EYS: variants seen among roughly 807,000 people sequenced by gnomAD.
The protein encoded by EYS is protein eyes shut homolog.
A neutral mutation model predicts 282.1 loss-of-function variants in EYS; 250 were observed. The ratio of observed to expected loss-of-function variants is 0.89; its 90% CI spans 0.80 to 0.98. EYS has a LOEUF of 0.98. Among genes scored for constraint, EYS ranks in the 50% least tolerant of loss-of-function variants. EYS has a pLI of 0.00. For synonymous variants in EYS, 1,355 were observed against 1,282.9 expected, an observed-to-expected ratio of 1.06 and a Z score of -1.20; for missense variants, 4,016 against 3,709.0, an observed-to-expected ratio of 1.08 and a Z score of -2.15.
At chr6:65,640,405 C>A (rs1010311150) in intron 1 of EYS, among the ~76,000 whole-genome samples, 21 of 139,164 alleles carry the variant, frequency 1.5e-4, no homozygotes, top group Non-Finnish European at 7.9e-5. Flanking sequence ...AAAAATAATT[C>A]TTTCATTAAA....
Position 63,721,180 on chromosome 6 carries a change from TG to T in EYS, c.8850del (p.Asn2950LysfsTer25). On this transcript the variant is annotated frameshift_variant, in exon 43 of 43. Coordinates refer to ENST00000503581, the MANE Select transcript of EYS (RefSeq NM_001142800.2). LOFTEE classifies it high-confidence loss of function. ...TLGWVGRYCE[N>X]KTSFSTAKFM... ...AATTTTGCAGTTGAAAATGAAGTTT[TG>T]TTTTCACAATACCTTCCCACCCAAC... The T allele has an allele frequency of 1.3e-6, 2 of 1,551,668 alleles. No individual in the cohort carries two copies. Among genetic ancestry groups the T allele is most frequent in the Non-Finnish European group, 1.7e-6 (2 of 1,146,912 alleles).
intron 22 of EYS, among the ~76,000 whole-genome samples, chr6:64,737,570 C>T (rs1772223442): frequency 6.6e-6 from 1 of 152,186 alleles, no homozygotes; most frequent in African/African-American, 2.4e-5. Context: ...TCATTTTCTG[C>T]TGTCACCATC....
At chr6:63,959,454 C>T (rs1403875427) in intron 35 of EYS, among the ~76,000 whole-genome samples, 1 of 152,134 alleles carries the variant, frequency 6.6e-6, no homozygotes, top group Non-Finnish European at 1.5e-5. Flanking sequence ...GACAGTGTGG[C>T]AATTCTTCAA....
At chr6:64,084,308 G>A (rs1471967069) in intron 31 of EYS, among the ~76,000 whole-genome samples, 1 of 152,150 alleles carries the variant, frequency 6.6e-6, no homozygotes, top group Non-Finnish European at 1.5e-5. Context: ...TGATTTGCCT[G>A]TGTCAGTGCA....
At chr6:64,150,160 C>T (rs888532258) in intron 31 of EYS, among the ~76,000 whole-genome samples, 1 of 152,304 alleles carries the variant, frequency 6.6e-6, no homozygotes, top group Non-Finnish European at 1.5e-5. Context: ...GAATCTCAGG[C>T]CCTACCCTAC....
intron 33 of EYS, among the ~76,000 whole-genome samples, chr6:64,016,436 G>A (rs964324153): frequency 4.6e-5 from 7 of 151,500 alleles, no homozygotes; most frequent in African/African-American, 1.5e-4. Flanking sequence ...TTATAAACCT[G>A]TACGTTGTAG....
chr6:65,528,149 A>G (rs1011408244), intron 2 of EYS, among the ~76,000 whole-genome samples: 1 of 152,218 alleles, frequency 6.6e-6, no homozygotes, highest in Non-Finnish European at 1.5e-5. Flanking sequence ...TTGAGAAAAT[A>G]AAGGTGAAAG....
intron 22 of EYS, among the ~76,000 whole-genome samples, chr6:64,751,191 C>A (rs529279472): frequency 6.6e-6 from 1 of 152,292 alleles, no homozygotes; most frequent in South Asian, 2.1e-4. Context: ...CTTGCCTGGG[C>A]AGAGTTTTTC....
At chr6:64,735,122 C>G (rs542308591) in intron 22 of EYS, among the ~76,000 whole-genome samples, 9 of 152,040 alleles carry the variant, frequency 5.9e-5, no homozygotes, top group African/African-American at 1.9e-4. Flanking sequence ...CATGCTCTGT[C>G]GCCCAGGCTG....
chr6:64,166,222 AAC>A (rs1295208050), intron 31 of EYS, among the ~76,000 whole-genome samples: 1 of 152,246 alleles, frequency 6.6e-6, no homozygotes, highest in Non-Finnish European at 1.5e-5. Context: ...TAATAATGAT[AAC>A]ACAGCAATTA....
At chr6:65,072,156 C>A (rs1300135499) in intron 12 of EYS, among the ~76,000 whole-genome samples, 4 of 151,814 alleles carry the variant, frequency 2.6e-5, no homozygotes, top group Non-Finnish European at 5.9e-5. Flanking sequence ...CAGTGCATCC[C>A]TATAAACTCA....
chr6:65,350,745 T>A (rs1348470283), intron 9 of EYS, among the ~76,000 whole-genome samples: 1 of 151,650 alleles, frequency 6.6e-6, no homozygotes, highest in African/African-American at 2.4e-5. Flanking sequence ...AAAGAAACAG[T>A]GCATGTCAGC....
intron 24 of EYS, among the ~76,000 whole-genome samples, chr6:64,603,410 G>A (rs1032773983): frequency 4.6e-5 from 7 of 151,958 alleles, no homozygotes; most frequent in African/African-American, 1.7e-4. Context: ...TAGAGATCAG[G>A]AGACCCCAAA....
chr6:65,478,478 G>A (rs1304834389), intron 5 of EYS, among the ~76,000 whole-genome samples: 1 of 152,072 alleles, frequency 6.6e-6, no homozygotes, highest in East Asian at 1.9e-4. Context: ...TATTTTACAT[G>A]AATTGGTTCA....
At chr6:65,160,432 T>C (rs1014245195) in intron 12 of EYS, among the ~76,000 whole-genome samples, 5 of 150,944 alleles carry the variant, frequency 3.3e-5, no homozygotes, top group Non-Finnish European at 5.9e-5. Context: ...ATCTGAGACA[T>C]AACTTACCCA....
At chr6:65,260,019 TGTAAA>T (rs1222343754) in intron 12 of EYS, among the ~76,000 whole-genome samples, 4 of 152,072 alleles carry the variant, frequency 2.6e-5, no homozygotes, top group East Asian at 1.9e-4. Flanking sequence ...CCGGGTAATT[TGTAAA>T]GTAAAGAGGT....
intron 33 of EYS, among the ~76,000 whole-genome samples, chr6:64,017,678 G>T (rs111934871): frequency 3.2e-4 from 49 of 152,242 alleles, no homozygotes; most frequent in African/African-American, 9.4e-4. Flanking sequence ...CCTGCTGTCT[G>T]CTCTACCCAC....
At position 64,559,532 on chromosome 6, in the gene EYS, G is replaced by C. The variant is rs528773555; in HGVS notation, c.5644+30691C>G. ...CAATACAAAGTTACATTTTTTTGTG[G>C]CGATTGTTGATATATATTCATTAAA... On this transcript the variant is annotated intron_variant, in intron 26 of 42. Transcript: ENST00000503581. 2.0e-5 allele frequency among the ~76,000 whole-genome samples: 3 copies of C among 151,906 alleles called. No homozygotes were observed. The South Asian group carries it at 6.2e-4, about 31-fold the overall frequency.
rs561233077 is a variant in EYS at position 65,193,524 on chromosome 6, A to C, written c.2023+102339T>G. Among the ~76,000 whole-genome samples the C allele has an allele frequency of 5.3e-5, 8 of 151,904 alleles. No homozygotes were observed. The South Asian group carries it at 1.0e-3, about 20-fold the overall frequency. On this transcript the variant is annotated intron_variant, in intron 12 of 42. Transcript: ENST00000503581. ...AAGTGATGATGCCATTTTTTTTTCT[A>C]CTGGAAGTTTGAAGTAATCTTGGAA...
Sources: allele counts gnomAD v4.1 joint callset (sites outside exome capture counted in the v4.1 genomes callset), GRCh38; gene constraint gnomAD v4.1.1; transcripts MANE v1.5; gene names NCBI Gene and HGNC (gene_info 2026-07-23, HGNC 2026-07-21).